Variants in ZNF609 observed in about 807,000 individuals in gnomAD.
ZNF609 encodes zinc finger protein 609.
ZNF609 carries 11 observed loss-of-function variants against 109.5 expected under a neutral mutation model. The observed-to-expected ratio is 0.10, with a 90% confidence interval of 0.06 to 0.17. ZNF609 has a LOEUF of 0.17. Ranked by LOEUF, ZNF609 falls within the 10% of genes least tolerant of loss-of-function variation. The probability of loss-of-function intolerance (pLI) is 1.00; values close to 1 mark genes in which losing one functional copy is unlikely to be tolerated. For missense variants in ZNF609, 1,559 were observed against 1,772.4 expected, an observed-to-expected ratio of 0.88 and a Z score of 2.16; for synonymous variants, 646 against 662.0, an observed-to-expected ratio of 0.98 and a Z score of 0.37.
intron 1 of ZNF609, among the ~76,000 whole-genome samples, chr15:64,480,308 T>G (rs1596378318): frequency 6.6e-6 from 1 of 151,860 alleles, no homozygotes; most frequent in Non-Finnish European, 1.5e-5. Context: ...CTGAGGCAGG[T>G]GGATCACCTG....
In ZNF609 at chr15:64,535,813, TC is replaced by T. The variant is rs1414686945; in HGVS notation, c.747+35649del. Among the ~76,000 whole-genome samples the T allele has an allele frequency of 3.9e-5, 6 of 152,320 alleles. No individual in the cohort carries two copies. The East Asian group carries it at 5.8e-4, about 15-fold the overall frequency. On this transcript the variant is annotated intron_variant, in intron 2 of 9. Coordinates refer to ENST00000326648, the MANE Select transcript of ZNF609 (RefSeq NM_015042.2). ...TTATCTCTATTTTTTATTTTAGCTA[TC>T]CTGGCAGGTATGTAATGGTACCTCA...
intron 2 of ZNF609, among the ~76,000 whole-genome samples, chr15:64,587,290 T>A (rs529298226): frequency 1.3e-5 from 2 of 152,362 alleles, no homozygotes; most frequent in South Asian, 4.1e-4. Context: ...AAATCCTGTC[T>A]TTCCATCTTC....
chr15:64,553,208 A>G (rs1348556457), intron 2 of ZNF609, among the ~76,000 whole-genome samples: 1 of 151,910 alleles, frequency 6.6e-6, no homozygotes, highest in Non-Finnish European at 1.5e-5. Context: ...GTTCTTTCAA[A>G]GTTATTTGGC....
At chr15:64,672,452 C>G (rs1896746550) in intron 4 of ZNF609, among the ~76,000 whole-genome samples, 1 of 148,456 alleles carries the variant, frequency 6.7e-6, no homozygotes, top group Admixed American at 6.7e-5. Context: ...TGGTGAAACC[C>G]TGTCTCTACT....
intron 1 of ZNF609, among the ~76,000 whole-genome samples, chr15:64,484,245 C>T (rs1250434557): frequency 1.3e-5 from 2 of 152,144 alleles, no homozygotes; most frequent in African/African-American, 4.8e-5. Context: ...TGAGATTATG[C>T]TTCAGGAATA....
intron 2 of ZNF609, among the ~76,000 whole-genome samples, chr15:64,559,693 A>G (rs1894646504): frequency 6.6e-6 from 1 of 152,216 alleles, no homozygotes; most frequent in African/African-American, 2.4e-5. Context: ...TATAAACTCC[A>G]TGAGAACATA....
chr15:64,546,437 T>C, intron 2 of ZNF609, among the ~76,000 whole-genome samples: 1 of 134,268 alleles, frequency 7.4e-6, no homozygotes, highest in Non-Finnish European at 1.6e-5. Context: ...TGTTTCTTTC[T>C]TTTTTTTTTT....
At position 64,541,792 on chromosome 15, in the gene ZNF609, A is replaced by G. The variant is rs566647684; in HGVS notation, c.747+41626A>G. ...GAGGCAGAGCTTGCAGTGAGCCGAG[A>G]TCGTGCCACTGCACGCCAGCCTGGG... On this transcript the variant is annotated intron_variant, in intron 2 of 9. Coordinates refer to ENST00000326648, the MANE Select transcript of ZNF609 (RefSeq NM_015042.2). 5.6e-4 allele frequency among the ~76,000 whole-genome samples: 80 copies of G among 142,934 alleles called. 1 individual carries two copies. The South Asian group carries it at 0.018, about 32-fold the overall frequency. 93.8% of individuals were successfully genotyped at this position (142,934 alleles called of 152,430 possible). A position where few individuals can be genotyped will look rare whatever the true frequency, so the allele number is the denominator to read the frequency against.
intron 2 of ZNF609, among the ~76,000 whole-genome samples, chr15:64,576,984 ATG>A (rs1491580547): frequency 6.7e-4 from 91 of 136,572 alleles, no homozygotes; most frequent in Middle Eastern, 3.8e-3. Flanking sequence ...ATATATATGT[ATG>A]TATACACATA....
intron 3 of ZNF609, among the ~76,000 whole-genome samples, chr15:64,650,417 CAAA>C (rs34102315): frequency 8.0e-6 from 1 of 124,230 alleles, no homozygotes; most frequent in African/African-American, 3.0e-5. Context: ...GCTCCATCTC[CAAA>C]AAAAAAAAAA....
chr15:64,529,277 A>T (rs1894019040), intron 2 of ZNF609: 2 of 715,894 alleles, frequency 2.8e-6, no homozygotes, highest in African/African-American at 3.4e-5. Context: ...CGCCCATCAC[A>T]AACATGGGGG....
chr15:64,529,700 G>A (rs529004014), intron 2 of ZNF609: 12 of 690,078 alleles, frequency 1.7e-5, no homozygotes, highest in South Asian at 9.7e-5. Flanking sequence ...CTGCCAATGC[G>A]AGAGAATATG....
chr15:64,675,223 C>A lies in ZNF609; in HGVS notation c.2369C>A (p.Ala790Asp), dbSNP rs913850104. 1.2e-6 allele frequency: 2 copies of A among 1,613,892 alleles called. No homozygotes were observed. Among genetic ancestry groups the A allele is most frequent in the African/African-American group, 2.7e-5 (2 of 74,926 alleles). ...CAAAGCCGACTGGCTAGCATCAAGG[C>A]TGAAGCCGACAAGATCTACAGTTTC... ...PHQSRLASIK[A>D]EADKIYSFTD... The change falls in exon 5 of 10, where the codon GCT becomes GAT. Residue 790 changes from alanine to aspartate, a missense_variant. By Grantham distance (126) the Ala-to-Asp change is moderately radical. Transcript: ENST00000326648.
chr15:64,647,502 A>G (rs1042149871), intron 3 of ZNF609, among the ~76,000 whole-genome samples: 1 of 152,048 alleles, frequency 6.6e-6, no homozygotes, highest in Non-Finnish European at 1.5e-5. Flanking sequence ...TTTATATTAT[A>G]TATTTTTGTT....
chr15:64,574,467 C>T (rs934138191), intron 2 of ZNF609, among the ~76,000 whole-genome samples: 53 of 152,284 alleles, frequency 3.5e-4, no homozygotes, highest in African/African-American at 1.2e-3. Context: ...GACTTAATAG[C>T]TGAATCACTC....
At chr15:64,595,360 CAAA>C (rs923203042) in intron 2 of ZNF609, among the ~76,000 whole-genome samples, 4 of 76,760 alleles carry the variant, frequency 5.2e-5, no homozygotes, top group Admixed American at 3.0e-4. Context: ...GATTCCGTCT[CAAA>C]AAAAAAAAAA....
chr15:64,631,146 T>A, intron 3 of ZNF609: 1 of 591,648 alleles, frequency 1.7e-6, no homozygotes. Flanking sequence ...TTCCAGCAGT[T>A]CAGGCTCCTT....
intron 2 of ZNF609, among the ~76,000 whole-genome samples, chr15:64,558,668 T>C (rs1383418835): frequency 6.6e-6 from 1 of 152,210 alleles, no homozygotes; most frequent in Non-Finnish European, 1.5e-5. Context: ...CACAAGTTCT[T>C]TTTCTGCTTC....
intron 1 of ZNF609, among the ~76,000 whole-genome samples, chr15:64,488,136 C>A (rs1012272514): frequency 6.6e-6 from 1 of 152,048 alleles, no homozygotes; most frequent in Non-Finnish European, 1.5e-5. Context: ...AATATGGAAG[C>A]TGCTTTGTTT....
Sources: gnomAD v4.1 joint callset for allele counts (sites outside exome capture counted in the v4.1 genomes callset) on GRCh38, gnomAD v4.1.1 for gene constraint, MANE v1.5 for transcripts, NCBI Gene and HGNC (gene_info 2026-07-23, HGNC 2026-07-21) for gene names.